AKAP13: variants seen among roughly 807,000 people sequenced by gnomAD.
AKAP13 encodes the protein A-kinase anchoring protein 13, also known as A-kinase anchor protein 13.
A neutral mutation model predicts 264.5 loss-of-function variants in AKAP13; 80 were observed. The ratio of observed to expected loss-of-function variants is 0.30; its 90% confidence interval spans 0.25 to 0.36. The LOEUF is 0.36. Among genes scored for constraint, AKAP13 ranks in the 10% least tolerant of loss-of-function variants. The pLI, the probability that AKAP13 is intolerant of heterozygous loss-of-function variation, is 1.00. For synonymous variants in AKAP13, 1,380 were observed against 1,250.2 expected, an observed-to-expected ratio of 1.10 and a Z score of -2.19; for missense variants, 3,712 against 3,435.2, an observed-to-expected ratio of 1.08 and a Z score of -2.01.
chr15:85,456,510 G>A (rs1173513602), intron 1 of AKAP13, among the ~76,000 whole-genome samples: 1 of 150,606 alleles, frequency 6.6e-6, no homozygotes, highest in East Asian at 1.9e-4. Flanking sequence ...GCAGAGCAGG[G>A]CTACCCCAAA....
Position 85,722,312 on chromosome 15 carries a change from C to G in AKAP13, c.6461C>G (p.Pro2154Arg), listed in dbSNP as rs2087336330. ...GTAACTCAGCGGATTACCAAGTACCCAGTTTTATTCCAAAGAATATTGCAG... is the reference window on the plus strand; with the variant it reads ...GTAACTCAGCGGATTACCAAGTACCGAGTTTTATTCCAAAGAATATTGCAG... ...LLVTQRITKY[P>R]VLFQRILQCT... The change falls in exon 25 of 37, where the codon CCA becomes CGA. Residue 2154 changes from proline to arginine, a missense_variant. Around this residue, in one of 3 missense-constraint regions of AKAP13, gnomAD observed 342 missense variants for 484.3 expected, o/e 0.71. Coordinates refer to ENST00000394518, the MANE Select transcript of AKAP13 (RefSeq NM_007200.5). 6.2e-7 allele frequency: 1 copy of G among 1,613,420 alleles called. No homozygotes were observed. Among genetic ancestry groups the G allele is most frequent in the Non-Finnish European group, 8.5e-7 (1 of 1,179,708 alleles).
At chr15:85,465,419 T>C (rs2074694451) in intron 1 of AKAP13, among the ~76,000 whole-genome samples, 1 of 151,430 alleles carries the variant, frequency 6.6e-6, no homozygotes, top group African/African-American at 2.4e-5. Context: ...GTTACATATG[T>C]ATACATGTGC....
chr15:85,708,090 A>G lies in AKAP13; in HGVS notation c.5532+4A>G, dbSNP rs779937494. On this transcript the variant is annotated splice_donor_region_variant and intron_variant, in intron 18 of 36. Transcript: ENST00000394518. This position sits in a 1 kb window ranked among gnomAD's most constrained non-coding sequence, Gnocchi z 4.3. The stretch of plus-strand genomic sequence containing the variant: ...CTGTGCAAAGGTCAAAATGAAGGTA[A>G]GACTTTCTGGCTAAAACAAGGCTTA... 1 of 1,613,578 alleles carries G rather than the reference A, an allele frequency of 6.2e-7. No individual in the cohort carries two copies. Among genetic ancestry groups the G allele is most frequent in the Admixed American group, 1.7e-5 (1 of 60,004 alleles).
intron 5 of AKAP13, among the ~76,000 whole-genome samples, chr15:85,567,052 T>C (rs1018244757): frequency 3.9e-5 from 6 of 152,224 alleles, no homozygotes; most frequent in African/African-American, 7.2e-5. Context: ...TACTGAATAC[T>C]GATCCTACCA....
At chr15:85,441,344 T>G (rs1027634176) in intron 1 of AKAP13, among the ~76,000 whole-genome samples, 1 of 152,218 alleles carries the variant, frequency 6.6e-6, no homozygotes, top group Non-Finnish European at 1.5e-5. Flanking sequence ...TAAAAAAATT[T>G]ACTGTTTTTG....
chr15:85,722,391 T>C (rs372982871), intron 25 of AKAP13, 44 bp downstream of exon 25: 45 of 1,502,128 alleles, frequency 3.0e-5, no homozygotes, highest in Middle Eastern at 1.8e-4. Context: ...CATGGACTGT[T>C]TCCTCTGTGG....
chr15:85,573,571 A>AAATAAATAAATAAATAAATT (rs2078898619), intron 5 of AKAP13, among the ~76,000 whole-genome samples: 3 of 151,898 alleles, frequency 2.0e-5, no homozygotes, highest in African/African-American at 7.2e-5. Context: ...ATAAATAAAT[A>AAATAAATAAATAAATAAATT]AATATGATAT....
At chr15:85,567,413 C>T (rs897592725) in intron 5 of AKAP13, among the ~76,000 whole-genome samples, 3 of 152,114 alleles carry the variant, frequency 2.0e-5, no homozygotes, top group East Asian at 3.8e-4. Flanking sequence ...GCCACAAGTG[C>T]GGTTTTGTTA....
intron 5 of AKAP13, among the ~76,000 whole-genome samples, chr15:85,545,320 A>G (rs532526832): frequency 6.6e-5 from 10 of 152,326 alleles, no homozygotes; most frequent in African/African-American, 2.4e-4. Flanking sequence ...TCTAAATTTG[A>G]TTTTTGCTGG....
chr15:85,727,590 A>G lies in AKAP13; in HGVS notation c.7087+127A>G. The G allele has an allele frequency of 1.1e-6, 1 of 941,932 alleles. No individual in the cohort carries two copies. The highest frequency in any genetic ancestry group is 1.6e-6 in the Non-Finnish European group (1 of 620,058). The allele number at this position is 941,932 out of a possible 1,614,324, so 58.3% of individuals were successfully genotyped here. A position where few individuals can be genotyped will look rare whatever the true frequency, so the allele number is the denominator to read the frequency against. On this transcript the variant is annotated intron_variant, in intron 29 of 36. Transcript: ENST00000394518. This position sits in a 1 kb window ranked among gnomAD's most constrained non-coding sequence, Gnocchi z 5.3. ...GCTGCCCCAGCAGGCACTTGAAAGC[A>G]GCAAAATGAATAGCTGTTAACAAAA...
intron 4 of AKAP13, among the ~76,000 whole-genome samples, chr15:85,539,653 C>T (rs995307239): frequency 6.6e-6 from 1 of 152,158 alleles, no homozygotes; most frequent in Non-Finnish European, 1.5e-5. Flanking sequence ...GGCACATCAA[C>T]TTTTTTGCAG....
intron 24 of AKAP13, 42 bp downstream of exon 24, chr15:85,722,158 C>T (rs762918433): frequency 1.9e-6 from 3 of 1,611,772 alleles, no homozygotes; most frequent in Middle Eastern, 3.3e-4. Flanking sequence ...TTGTTGAGAG[C>T]CATGTGTCCC....
chr15:85,611,087 A>T (rs1176981533), intron 8 of AKAP13, among the ~76,000 whole-genome samples: 1 of 152,130 alleles, frequency 6.6e-6, no homozygotes, highest in Non-Finnish European at 1.5e-5. Flanking sequence ...CCTCACCAAG[A>T]TCTATGAAAT....
intron 5 of AKAP13, among the ~76,000 whole-genome samples, chr15:85,568,412 G>T (rs1364192381): frequency 6.6e-6 from 1 of 152,226 alleles, no homozygotes; most frequent in East Asian, 1.9e-4. Context: ...CCGAAAGATG[G>T]GTGGGTTTTG....
intron 1 of AKAP13, among the ~76,000 whole-genome samples, chr15:85,449,235 G>C (rs915302028): frequency 2.0e-5 from 3 of 152,108 alleles, no homozygotes; most frequent in African/African-American, 7.2e-5. Flanking sequence ...TTTGGTTGCT[G>C]TTGGTATATA....
At chr15:85,585,886 A>T (rs1385149299) in intron 8 of AKAP13, 63 bp downstream of exon 8, 8 of 1,579,920 alleles carry the variant, frequency 5.1e-6, no homozygotes, top group Middle Eastern at 1.7e-4. Flanking sequence ...GCTGTGTCTT[A>T]TTTATGGCTT....
Position 85,655,493 on chromosome 15 carries a change from A to G in AKAP13, c.4451A>G (p.His1484Arg), listed in dbSNP as rs749078024. The change falls in exon 11 of 37, where the codon CAT (histidine) becomes CGT (arginine). Residue 1484 changes from histidine (H) to arginine (R), a missense_variant. This residue lies in a region of AKAP13 where 2,759 missense variants were observed against 2,411.7 expected (regional missense o/e 1.14). Transcript: ENST00000394518. ...STDDTASLDR[H>R]SSHGSDVSLS... ...GATGACACGGCTTCACTGGACCGAC[A>G]TTCTTCTCATGGCAGTGATGTGTCT... The G allele has an allele frequency of 5.6e-6, 9 of 1,614,190 alleles. No individual in the cohort carries two copies. The highest frequency in any genetic ancestry group is 3.3e-5 in the South Asian group (3 of 91,082).
At chr15:85,519,656 C>T (rs971315744) in intron 2 of AKAP13, among the ~76,000 whole-genome samples, 1 of 152,166 alleles carries the variant, frequency 6.6e-6, no homozygotes, top group Non-Finnish European at 1.5e-5. Flanking sequence ...TAACTGAAGT[C>T]AGTGATAATT....
intron 5 of AKAP13, 189 bp downstream of exon 5, chr15:85,544,144 G>GT (rs780355290): frequency 9.5e-6 from 7 of 734,112 alleles, no homozygotes; most frequent in South Asian, 4.5e-5. Context: ...AGAGAGAAAC[G>GT]TAAGTCGTGT....
Sources: allele counts gnomAD v4.1 joint callset (sites outside exome capture counted in the v4.1 genomes callset), GRCh38; gene constraint gnomAD v4.1.1; regional missense constraint gnomAD v4.1.1; non-coding constraint Gnocchi (gnomAD v3.1); transcripts MANE v1.5; gene names NCBI Gene and HGNC (gene_info 2026-07-23, HGNC 2026-07-21).